Variants in RARB observed in about 807,000 individuals in gnomAD.
RARB encodes HBV-activated protein.
In RARB, 17 loss-of-function variants were observed where a neutral mutation model predicts 51.9. The ratio of observed to expected loss-of-function variants is 0.33; its 90% CI spans 0.22 to 0.49. The LOEUF (loss-of-function observed/expected upper bound fraction) is 0.49. Ranked by LOEUF, RARB falls within the 20% of genes least tolerant of loss-of-function variation. The probability of loss-of-function intolerance (pLI) is 0.99; values close to 1 mark genes in which losing one functional copy is unlikely to be tolerated. For missense variants in RARB, 369 were observed against 550.8 expected, an observed-to-expected ratio of 0.67 and a Z score of 3.30; for synonymous variants, 215 against 195.4, an observed-to-expected ratio of 1.10 and a Z score of -0.84.
intron 5 of RARB, among the ~76,000 whole-genome samples, chr3:25,383,667 C>T (rs1706698018): frequency 6.6e-6 from 1 of 152,158 alleles, no homozygotes; most frequent in Admixed American, 6.5e-5. Flanking sequence ...GTGGCTCACG[C>T]CTGTAATCCC....
At chr3:24,879,639 A>G (rs993828469) in intron 2 of RARB, among the ~76,000 whole-genome samples, 2 of 152,118 alleles carry the variant, frequency 1.3e-5, no homozygotes, top group Non-Finnish European at 2.9e-5. Flanking sequence ...CTTGGAAAAC[A>G]TAGACAGAAC....
At chr3:25,223,559 A>G (rs1166043324) in intron 5 of RARB, among the ~76,000 whole-genome samples, 2 of 152,172 alleles carry the variant, frequency 1.3e-5, no homozygotes. Flanking sequence ...CTAGCTTCCC[A>G]TTATGTCTGC....
At chr3:25,459,697 G>A (rs550982175) in intron 1 of RARB, among the ~76,000 whole-genome samples, 2 of 152,296 alleles carry the variant, frequency 1.3e-5, no homozygotes, top group South Asian at 4.2e-4. Flanking sequence ...AGTGGGTAGA[G>A]TTGACCTGAC....
At chr3:25,495,118 A>C (rs545838750) in intron 2 of RARB, among the ~76,000 whole-genome samples, 1 of 152,342 alleles carries the variant, frequency 6.6e-6, no homozygotes, top group African/African-American at 2.4e-5. Context: ...CAGTATCTAA[A>C]CCAACAGAAA....
chr3:24,853,673 T>C (rs911424964), intron 1 of RARB, among the ~76,000 whole-genome samples: 10 of 152,252 alleles, frequency 6.6e-5, no homozygotes, highest in Admixed American at 2.6e-4. Flanking sequence ...GTGTCTTCAC[T>C]TTAGCCATTA....
intron 2 of RARB, among the ~76,000 whole-genome samples, chr3:24,876,316 T>C (rs1187020637): frequency 6.6e-6 from 1 of 152,168 alleles, no homozygotes; most frequent in African/African-American, 2.4e-5. Context: ...ATGACAATTA[T>C]CACTGAAGTA....
rs1703282055 is a variant in RARB, at chr3:24,887,097, T to A, written c.-380+28345T>A. ...TGAGTATATTCTGAATGCCTGAAGA[T>A]TCAGCTTTCATAAGTAAGGGCCATC... On this transcript the variant is annotated intron_variant, in intron 2 of 11. Coordinates refer to the RARB transcript ENST00000383772. 2.0e-5 allele frequency among the ~76,000 whole-genome samples: 3 copies of A among 152,348 alleles called. No homozygotes were observed. In the South Asian group the frequency reaches 6.2e-4, roughly 32 times the overall value.
chr3:25,176,342 C>CTTTCTTTCTTTCTTTCTTTCTTTCT (rs1700747733), intron 5 of RARB, among the ~76,000 whole-genome samples: 8 of 52,426 alleles, frequency 1.5e-4, no homozygotes, highest in South Asian at 5.8e-4. Context: ...TCTTTCCTTC[C>CTTTCTTTCTTTCTTTCTTTCTTTCT]TTCCTTCCTT....
intron 1 of RARB, among the ~76,000 whole-genome samples, chr3:24,834,698 G>T (rs574080530): frequency 6.6e-6 from 1 of 152,174 alleles, no homozygotes; most frequent in Non-Finnish European, 1.5e-5. Context: ...CATTGGACTC[G>T]AAGGTCAAGA....
At chr3:25,309,486 CTTTTTTTTTTTT>C (rs149976069) in intron 5 of RARB, among the ~76,000 whole-genome samples, 7 of 58,084 alleles carry the variant, frequency 1.2e-4, no homozygotes, top group African/African-American at 2.6e-4. Flanking sequence ...CTCATAGTTG[CTTTTTTTTTTTT>C]TTTTTTTTTT....
intron 1 of RARB, among the ~76,000 whole-genome samples, chr3:25,439,127 G>T (rs558463961): frequency 3.3e-5 from 5 of 152,284 alleles, no homozygotes; most frequent in Non-Finnish European, 7.4e-5. Flanking sequence ...TCTAAAGATG[G>T]GTGCTAAGTG....
rs112028089 is a variant in RARB, at chr3:25,294,612, A to G, written c.178+120037A>G. On this transcript the variant is annotated intron_variant, in intron 5 of 11. Transcript: ENST00000383772. ...TTGGAGGTTAAGATCTGGGGCAGAC[A>G]GTGGGAGCTAAAACCACAGAGGAAA... Among the ~76,000 whole-genome samples, 185 of 152,300 alleles carry G rather than the reference A, an allele frequency of 1.2e-3. 1 individual carries two copies. The highest frequency in any genetic ancestry group is 4.1e-3 in the African/African-American group (171 of 41,586).
At chr3:25,200,667 C>CA (rs1209183604) in intron 5 of RARB, among the ~76,000 whole-genome samples, 2 of 152,080 alleles carry the variant, frequency 1.3e-5, no homozygotes, top group Non-Finnish European at 2.9e-5. Flanking sequence ...TATGGCTAGC[C>CA]AGTTTTCCCA....
At chr3:25,253,824 G>C (rs746191244) in intron 5 of RARB, among the ~76,000 whole-genome samples, 1 of 152,054 alleles carries the variant, frequency 6.6e-6, no homozygotes, top group Non-Finnish European at 1.5e-5. Flanking sequence ...TCGAGCCCTA[G>C]TGGTCCCTCA....
At chr3:25,382,609 A>G (rs1461649424) in intron 5 of RARB, among the ~76,000 whole-genome samples, 1 of 152,226 alleles carries the variant, frequency 6.6e-6, no homozygotes, top group Non-Finnish European at 1.5e-5. Context: ...TAATCCCAGC[A>G]CTTTGGGAGG....
Position 24,946,357 on chromosome 3 carries a change from C to T in RARB, c.-380+87605C>T, listed in dbSNP as rs142142043. ...GAGTTGAGTTAATTTTTTTGAAACC[C>T]GAGCCAGTTCAGAGTGATAATTTTT... On this transcript the variant is annotated intron_variant, in intron 2 of 11. Coordinates refer to the RARB transcript ENST00000383772. Among the ~76,000 whole-genome samples, 455 of 105,772 alleles carry T rather than the reference C, an allele frequency of 4.3e-3. 7 individuals are homozygous for T. The highest frequency in any genetic ancestry group is 0.012 in the African/African-American group (432 of 37,150). The allele number at this position is 105,772 out of a possible 152,430, so 69.4% of individuals were successfully genotyped here. A position where few individuals can be genotyped will look rare whatever the true frequency, so the allele number is the denominator to read the frequency against.
chr3:25,120,283 T>TA (rs1192047283), intron 3 of RARB, among the ~76,000 whole-genome samples: 2 of 152,058 alleles, frequency 1.3e-5, no homozygotes, highest in African/African-American at 2.4e-5. Flanking sequence ...GTGACGACTG[T>TA]AAAAAACTGG....
intron 5 of RARB, among the ~76,000 whole-genome samples, chr3:25,178,732 A>G (rs1205042074): frequency 1.3e-5 from 2 of 152,188 alleles, no homozygotes; most frequent in Non-Finnish European, 2.9e-5. Context: ...TTTCGTCACA[A>G]TGGAGACTTG....
intron 2 of RARB, among the ~76,000 whole-genome samples, chr3:25,499,088 C>A (rs1697175363): frequency 6.6e-6 from 1 of 152,188 alleles, no homozygotes; most frequent in Non-Finnish European, 1.5e-5. Flanking sequence ...TATAGTTGAA[C>A]CATGCCAGTA....
Sources: gnomAD v4.1 joint callset for allele counts (sites outside exome capture counted in the v4.1 genomes callset) on GRCh38, gnomAD v4.1.1 for gene constraint, MANE v1.5 for transcripts, NCBI Gene and HGNC (gene_info 2026-07-23, HGNC 2026-07-21) for gene names.